The following CBLB variants were observed in gnomAD, a reference collection of about 807,000 sequenced individuals.
CBLB encodes E3 ubiquitin-protein ligase CBL-B.
A neutral mutation model predicts 104.9 loss-of-function variants in CBLB; 31 were observed. That is an observed-to-expected ratio of 0.30 (90% CI 0.22 to 0.40). The LOEUF is 0.40. Ranked by LOEUF, CBLB falls within the 10% of genes least tolerant of loss-of-function variation. CBLB has a pLI of 1.00. For synonymous variants in CBLB, 440 were observed against 422.6 expected (o/e 1.04, Z -0.51); for missense variants, 1,062 against 1,214.6 (o/e 0.87, Z 1.87).
intron 18 of CBLB, among the ~76,000 whole-genome samples, chr3:105,663,383 G>T (rs9873655): frequency 6.6e-6 from 1 of 151,960 alleles, no homozygotes; most frequent in East Asian, 1.9e-4. Context: ...AGAAAGAGCA[G>T]GGATGAGGAG....
chr3:105,805,992 C>A (rs1462872927), intron 3 of CBLB, among the ~76,000 whole-genome samples: 2 of 150,100 alleles, frequency 1.3e-5, no homozygotes, highest in East Asian at 3.9e-4. Flanking sequence ...GTCACATAAA[C>A]CACTATGTTC....
At chr3:105,815,083 T>C (rs1044189615) in intron 3 of CBLB, among the ~76,000 whole-genome samples, 1 of 152,020 alleles carries the variant, frequency 6.6e-6, no homozygotes, top group Non-Finnish European at 1.5e-5. Context: ...CATAAGAAAT[T>C]CTCTCTCTTC....
rs36047688 is a variant in CBLB, at chr3:105,659,139, G to A, written c.2780C>T (p.Ala927Val). The A allele has an allele frequency of 8.4e-5, 136 of 1,613,966 alleles. No individual in the cohort carries two copies. The African/African-American group carries it at 1.5e-3, about 18-fold the overall frequency. The part of the protein sequence containing the change: ...IHHRKPHGPE[A>V]ALENVDAKIA... ...TTTTGCATCGACATTTTCCAATGCC[G>A]CCTCAGGCCCATGGGGTTTTCTGTG... The change falls in exon 19 of 19, where the codon GCG becomes GTG. Residue 927 changes from alanine (A) to valine (V), a missense_variant. Physicochemically the swap from Ala to Val is moderately conservative, Grantham distance 64 (BLOSUM62 0). Coordinates refer to ENST00000394030, the MANE Select transcript of CBLB (RefSeq NM_170662.5).
chr3:105,789,191 A>G (rs1427882390), intron 3 of CBLB, among the ~76,000 whole-genome samples: 1 of 152,220 alleles, frequency 6.6e-6, no homozygotes, highest in Admixed American at 6.5e-5. Flanking sequence ...GTTAATTGTT[A>G]TTAGCACTAT....
Position 105,849,987 on chromosome 3 carries a change from C to A in CBLB, c.419+3427G>T, listed in dbSNP as rs551036150. Among the ~76,000 whole-genome samples the A allele has an allele frequency of 3.1e-4, 47 of 152,226 alleles. 1 individual carries two copies. The South Asian group carries it at 9.7e-3, about 32-fold the overall frequency. ...AGAATAAACAATCACTATAATATTT[C>A]TCTACCTTACTTCTGTCACACTGTG... On this transcript the variant is annotated intron_variant, in intron 3 of 18. Transcript: ENST00000394030.
At chr3:105,779,959 T>C (rs2152972061) in intron 3 of CBLB, among the ~76,000 whole-genome samples, 1 of 151,840 alleles carries the variant, frequency 6.6e-6, no homozygotes, top group Non-Finnish European at 1.5e-5. Context: ...GTTCAAGCAA[T>C]CCTCCTGTCT....
chr3:105,816,445 T>C (rs2085067080), intron 3 of CBLB, among the ~76,000 whole-genome samples: 1 of 152,190 alleles, frequency 6.6e-6, no homozygotes, highest in Non-Finnish European at 1.5e-5. Flanking sequence ...AAAAGCTTGA[T>C]TTTTGCAATG....
intron 13 of CBLB, 102 bp from the exon 14 acceptor site, chr3:105,685,568 G>A (rs2066904560): frequency 1.1e-6 from 1 of 923,980 alleles, no homozygotes; most frequent in Non-Finnish European, 1.7e-6. Context: ...TATCACTTAT[G>A]TTCATTTTTC....
At chr3:105,716,409 G>A (rs2071881688) in intron 10 of CBLB, among the ~76,000 whole-genome samples, 2 of 152,126 alleles carry the variant, frequency 1.3e-5, no homozygotes, top group African/African-American at 2.4e-5. Flanking sequence ...ACAAATACAA[G>A]GCATTGTCCC....
At chr3:105,702,487 A>AAAAAAAAAAAAAAAAT in intron 11 of CBLB, 28 bp from the exon 12 acceptor site, 1 of 1,473,010 alleles carries the variant, frequency 6.8e-7, no homozygotes, top group Non-Finnish European at 9.0e-7. Context: ...AAAAAAAAAA[A>AAAAAAAAAAAAAAAAT]AAAAAAAAAA....
intron 18 of CBLB, among the ~76,000 whole-genome samples, chr3:105,665,567 C>A (rs2064346166): frequency 1.4e-5 from 2 of 145,374 alleles, no homozygotes; most frequent in Admixed American, 6.9e-5. Flanking sequence ...TATATCTATA[C>A]CATATTATAT....
At chr3:105,842,398 T>A (rs1011414930) in intron 3 of CBLB, among the ~76,000 whole-genome samples, 10 of 152,208 alleles carry the variant, frequency 6.6e-5, no homozygotes, top group Non-Finnish European at 1.5e-4. Context: ...AGTTATACCA[T>A]GTTTAAATGA....
chr3:105,758,368 T>C (rs559068497), intron 4 of CBLB, among the ~76,000 whole-genome samples: 2 of 152,348 alleles, frequency 1.3e-5, no homozygotes, highest in East Asian at 1.9e-4. Context: ...AGATGCTGGG[T>C]ATTTATGCTG....
chr3:105,865,001 T>C (rs2092343141), intron 2 of CBLB, among the ~76,000 whole-genome samples: 1 of 152,190 alleles, frequency 6.6e-6, no homozygotes, highest in African/African-American at 2.4e-5. Flanking sequence ...TTTACATACC[T>C]ACCAATTAGA....
chr3:105,780,725 C>T (rs1417709836), intron 3 of CBLB, among the ~76,000 whole-genome samples: 9 of 131,706 alleles, frequency 6.8e-5, no homozygotes, highest in Non-Finnish European at 1.1e-4. Context: ...TGCGGTGGCG[C>T]GATCTCGGCT....
intron 16 of CBLB, among the ~76,000 whole-genome samples, chr3:105,679,553 G>A (rs772961760): frequency 6.6e-6 from 1 of 151,986 alleles, no homozygotes; most frequent in South Asian, 2.1e-4. Flanking sequence ...CAAGGTGGGT[G>A]GATCATGAGG....
chr3:105,759,579 G>A (rs1216729607), intron 4 of CBLB, among the ~76,000 whole-genome samples: 1 of 152,174 alleles, frequency 6.6e-6, no homozygotes, highest in African/African-American at 2.4e-5. Flanking sequence ...GTCTGGAAAG[G>A]GATGCGGTGG....
intron 10 of CBLB, among the ~76,000 whole-genome samples, chr3:105,705,123 G>A (rs1024363390): frequency 3.4e-4 from 51 of 152,168 alleles, no homozygotes; most frequent in African/African-American, 1.2e-3. Context: ...ATATTGTTCT[G>A]TTTCTGAATG....
intron 3 of CBLB, among the ~76,000 whole-genome samples, chr3:105,777,534 G>A (rs1196419014): frequency 6.6e-6 from 1 of 152,132 alleles, no homozygotes; most frequent in African/African-American, 2.4e-5. Flanking sequence ...AGGCTGATGT[G>A]ATCTCTTGAG....
Sources: allele counts gnomAD v4.1 joint callset (sites outside exome capture counted in the v4.1 genomes callset), GRCh38; gene constraint gnomAD v4.1.1; transcripts MANE v1.5; gene names NCBI Gene and HGNC (gene_info 2026-07-23, HGNC 2026-07-21).